The following SF3B1 variants were observed in gnomAD, a reference collection of about 807,000 sequenced individuals.
SF3B1 encodes the protein pre-mRNA processing 10.
SF3B1 carries 12 observed loss-of-function variants against 153.8 expected under a neutral mutation model. The observed-to-expected ratio is 0.08, with a 90% confidence interval of 0.05 to 0.13. The LOEUF is 0.13. Ranked by LOEUF, SF3B1 falls within the 10% of genes least tolerant of loss-of-function variation. The pLI is 1.00. For missense variants in SF3B1, 513 were observed against 1,606.1 expected, an observed-to-expected ratio of 0.32 and a Z score of 11.63; for synonymous variants, 498 against 525.2, an observed-to-expected ratio of 0.95 and a Z score of 0.71.
chr2:197,431,999 C>T (rs1359179023), intron 1 of SF3B1, among the ~76,000 whole-genome samples: 1 of 151,988 alleles, frequency 6.6e-6, no homozygotes, highest in Admixed American at 6.6e-5. Flanking sequence ...GTAGCACACG[C>T]CTGTAGTTGT....
At chr2:197,427,635 C>T (rs185367239) in intron 1 of SF3B1, among the ~76,000 whole-genome samples, 1 of 152,212 alleles carries the variant, frequency 6.6e-6, no homozygotes, top group South Asian at 2.1e-4. Context: ...GGAAAAAATA[C>T]GGCAGAAAAT....
In SF3B1 at chr2:197,408,135, A is replaced by G; in HGVS notation, c.1118-16T>C. ...ATTATGTGACCTACCAAGAAAAGCA[A>G]ATTTTTATATAATCTATAGTACAAG... is the stretch of plus-strand genomic sequence containing the variant. On this transcript the variant is annotated splice_polypyrimidine_tract_variant and intron_variant, in intron 8 of 24. Transcript: ENST00000335508. 6.2e-7 allele frequency: 1 copy of G among 1,600,400 alleles called. No individual in the cohort carries two copies. The highest frequency in any genetic ancestry group is 8.6e-7 in the Non-Finnish European group (1 of 1,168,502).
rs1379442661 is a variant in SF3B1, at chr2:197,408,565, T to C, written c.921A>G (p.Gly307=). 2 of 1,611,418 alleles carry C rather than the reference T, an allele frequency of 1.2e-6. No homozygotes were observed. Among genetic ancestry groups the C allele is most frequent in the Non-Finnish European group, 1.7e-6 (2 of 1,178,976 alleles). ...PKTERDTPGH[G]SGWAETPRTD... ...TTCGAGGAGTCTCAGCCCATCCACT[T>C]CCATGCCCAGGAGTATCTTTAAAAA... The change falls in exon 8 of 25, where the codon GGA becomes GGG. Residue 307 remains glycine (G), a synonymous_variant. Coordinates refer to ENST00000335508, the MANE Select transcript of SF3B1 (RefSeq NM_012433.4).
Position 197,400,303 on chromosome 2 carries a change from C to T in SF3B1, c.2850G>A (p.Gln950=). Reference sequence around the variant, plus strand: ...CAGTTCGAGAAATCAAGTCAGCTGCCTGTTGCCTAACTTTAGCAGATTTGT... The same window carrying T: ...CAGTTCGAGAAATCAAGTCAGCTGCTTGTTGCCTAACTTTAGCAGATTTGT... ...LNNKSAKVRQ[Q]AADLISRTAV... is the part of the protein sequence containing the mutation. The change falls in exon 19 of 25, where the codon CAG becomes CAA. Residue 950 remains glutamine (Q), a synonymous_variant. Transcript: ENST00000335508. The surrounding 1 kb of genome is among the most constrained non-coding windows in gnomAD (Gnocchi z 5.0). 1 of 1,614,080 alleles carries T rather than the reference C, an allele frequency of 6.2e-7. No individual in the cohort carries two copies. Among genetic ancestry groups the T allele is most frequent in the Non-Finnish European group, 8.5e-7 (1 of 1,179,952 alleles).
chr2:197,417,537 A>G lies in SF3B1; in HGVS notation c.496-626T>C, dbSNP rs145449106. On this transcript the variant is annotated intron_variant, in intron 5 of 24. Transcript: ENST00000335508. ...CAGATCACCTGAGGTCAGGAGTTCGAGACCAGCCTGGCCAACATAACGAAA... is the reference window on the plus strand; with the variant it reads ...CAGATCACCTGAGGTCAGGAGTTCGGGACCAGCCTGGCCAACATAACGAAA... Among the ~76,000 whole-genome samples the G allele has an allele frequency of 2.0e-3, 294 of 149,300 alleles. 4 individuals carry two copies. The East Asian group carries it at 0.03, about 15-fold the overall frequency.
intron 1 of SF3B1, among the ~76,000 whole-genome samples, chr2:197,428,488 C>G (rs2085370008): frequency 6.6e-6 from 1 of 152,114 alleles, no homozygotes; most frequent in South Asian, 2.1e-4. Context: ...TTTTCAAAAC[C>G]AACACTAAGT....
chr2:197,426,039 T>A (rs2085331168), intron 1 of SF3B1, among the ~76,000 whole-genome samples: 1 of 151,522 alleles, frequency 6.6e-6, no homozygotes, highest in Non-Finnish European at 1.5e-5. Context: ...TAGAATAGTT[T>A]TAATGCTGAG....
chr2:197,434,975 C>T lies in SF3B1; in HGVS notation c.25G>A (p.Glu9Lys). The T allele has an allele frequency of 6.2e-7, 1 of 1,614,224 alleles. No homozygotes were observed. Among genetic ancestry groups the T allele is most frequent in the East Asian group, 2.2e-5 (1 of 44,886 alleles). Residue 9 changes from glutamate to lysine, a missense_variant, in exon 1 of 25, where the codon GAA (glutamate) becomes AAA (lysine). Around this residue, in one of 21 missense-constraint regions of SF3B1, gnomAD observed 27 missense variants for 26.7 expected, o/e 1.01. Coordinates refer to ENST00000335508, the MANE Select transcript of SF3B1 (RefSeq NM_012433.4). ...TAAGCAGGGAAAGACCGCTTACCTT[C>T]GTGAGTCTTGGCGATCTTCGCCATT... is the stretch of plus-strand genomic sequence containing the variant. MAKIAKTH[E>K]DIEAQIREIQ...
At chr2:197,397,924 C>T in intron 22 of SF3B1, 61 bp downstream of exon 22, 1 of 1,281,334 alleles carries the variant, frequency 7.8e-7, no homozygotes, top group Non-Finnish European at 1.1e-6. Flanking sequence ...AAGTATTTTC[C>T]AATACCACAA....
chr2:197,393,421 A>C, intron 23 of SF3B1: 1 of 518,830 alleles, frequency 1.9e-6, no homozygotes. Context: ...AAGATTCACT[A>C]TGGCTCAACA....
chr2:197,433,401 T>C (rs1194746214), intron 1 of SF3B1, among the ~76,000 whole-genome samples: 3 of 152,248 alleles, frequency 2.0e-5, no homozygotes, highest in African/African-American at 7.2e-5. Flanking sequence ...CATCTTATAC[T>C]GAAGTTACCA....
chr2:197,423,758 C>T (rs1168311691), intron 2 of SF3B1, 50 bp downstream of exon 2: 1 of 1,558,666 alleles, frequency 6.4e-7, no homozygotes, highest in Non-Finnish European at 8.8e-7. Context: ...ATTCATATTT[C>T]TTGCTCTCTC....
chr2:197,427,891 T>C (rs1300606979), intron 1 of SF3B1, among the ~76,000 whole-genome samples: 1 of 151,918 alleles, frequency 6.6e-6, no homozygotes, highest in African/African-American at 2.4e-5. Flanking sequence ...TGGTGGTGGG[T>C]GCCTGGAATC....
intron 1 of SF3B1, among the ~76,000 whole-genome samples, chr2:197,432,350 T>C (rs909044933): frequency 1.1e-4 from 16 of 152,240 alleles, no homozygotes; most frequent in African/African-American, 3.9e-4. Flanking sequence ...TGTTCCCTGT[T>C]TGTATGCCAA....
In SF3B1 at chr2:197,405,449, A is replaced by G. The variant is rs1291524309; in HGVS notation, c.1263T>C (p.Tyr421=). The change falls in exon 10 of 25, where the codon TAT becomes TAC. Residue 421 remains tyrosine, a synonymous_variant. Coordinates refer to ENST00000335508, the MANE Select transcript of SF3B1 (RefSeq NM_012433.4). ...GYKVLPPPAG[Y]VPIRTPARKL... is the part of the protein sequence containing the mutation. ...TTCGAGCTGGAGTTCGAATAGGAACATAACCAGCTGGAGGAGGAAGTACCT... is the reference window on the plus strand; with the variant it reads ...TTCGAGCTGGAGTTCGAATAGGAACGTAACCAGCTGGAGGAGGAAGTACCT... 4 of 1,613,222 alleles carry G rather than the reference A, an allele frequency of 2.5e-6. No individual in the cohort carries two copies. The highest frequency in any genetic ancestry group is 3.4e-6 in the Non-Finnish European group (4 of 1,179,474).
At chr2:197,405,244 T>C (rs2084977449) in intron 10 of SF3B1, 31 bp downstream of exon 10, 7 of 1,596,738 alleles carry the variant, frequency 4.4e-6, no homozygotes, top group Non-Finnish European at 6.0e-6. Flanking sequence ...TGGAACACAA[T>C]TAATAGTTTA....
At chr2:197,418,935 A>G in intron 4 of SF3B1, 1 of 1,601,694 alleles carries the variant, frequency 6.2e-7, no homozygotes. Flanking sequence ...TCTGACTTCA[A>G]GCAGCAGAAT....
chr2:197,430,101 T>C (rs2085404232), intron 1 of SF3B1, among the ~76,000 whole-genome samples: 1 of 152,150 alleles, frequency 6.6e-6, no homozygotes, highest in Non-Finnish European at 1.5e-5. Context: ...CACAATGTAC[T>C]GTGAAATGAA....
In SF3B1 at chr2:197,421,073, C is replaced by A; in HGVS notation, c.256G>T (p.Ala86Ser). ...LLGQKKPGYH[A>S]PVALLNDIPQ... ...ATATCATTAAGCAATGCCACAGGGGCATGATATCCTGGCTTCTTCTGACCA... is the reference window on the plus strand; with the variant it reads ...ATATCATTAAGCAATGCCACAGGGGAATGATATCCTGGCTTCTTCTGACCA... Residue 86 changes from alanine to serine, a missense_variant, in exon 3 of 25, where the codon GCC (alanine) becomes TCC (serine). Ala to Ser is a moderately conservative substitution (Grantham distance 99, BLOSUM62 1). This residue lies in a region of SF3B1 where 56 missense variants were observed against 75.6 expected (regional missense o/e 0.74). Transcript: ENST00000335508. 1 of 1,613,208 alleles carries A rather than the reference C, an allele frequency of 6.2e-7. No individual in the cohort carries two copies. Among genetic ancestry groups the A allele is most frequent in the Non-Finnish European group, 8.5e-7 (1 of 1,179,528 alleles).
Sources: gnomAD v4.1 joint callset for allele counts (sites outside exome capture counted in the v4.1 genomes callset) on GRCh38, gnomAD v4.1.1 for gene constraint, gnomAD v4.1.1 regional missense constraint, Gnocchi (gnomAD v3.1) non-coding constraint, MANE v1.5 for transcripts, NCBI Gene and HGNC (gene_info 2026-07-23, HGNC 2026-07-21) for gene names.